Variants in MALRD1 observed in about 807,000 individuals in gnomAD.
The protein encoded by MALRD1 is MAM and LDL receptor class A domain containing 1, also known as MAM and LDL-receptor class A domain-containing protein 1.
In MALRD1, 247 loss-of-function variants were observed where a neutral mutation model predicts 242.1. The ratio of observed to expected loss-of-function variants is 1.02; its 90% CI spans 0.92 to 1.13. The LOEUF (loss-of-function observed/expected upper bound fraction) is 1.13, where lower values mean the gene tolerates loss of function less well. MALRD1 is among the 50% of genes most tolerant of loss of function. The pLI, the probability that MALRD1 is intolerant of heterozygous loss-of-function variation, is 0.00. For missense variants in MALRD1, 2,989 were observed against 2,533.1 expected, an observed-to-expected ratio of 1.18 and a Z score of -3.86; for synonymous variants, 995 against 866.6, an observed-to-expected ratio of 1.15 and a Z score of -2.60.
intron 14 of MALRD1, among the ~76,000 whole-genome samples, chr10:19,187,678 T>C (rs551828640): frequency 2.2e-4 from 33 of 151,834 alleles, no homozygotes; most frequent in Non-Finnish European, 4.0e-4. Flanking sequence ...ATGGATTGAG[T>C]TGGAGGCCGG....
At chr10:19,193,480 G>A (rs1048789233) in intron 14 of MALRD1, among the ~76,000 whole-genome samples, 4 of 152,134 alleles carry the variant, frequency 2.6e-5, no homozygotes. Context: ...TCTTGAGCCT[G>A]GGAGGTTGAG....
At chr10:19,729,903 A>G (rs1835215092) in intron 38 of MALRD1, among the ~76,000 whole-genome samples, 1 of 150,536 alleles carries the variant, frequency 6.6e-6, no homozygotes, top group Non-Finnish European at 1.5e-5. Context: ...CGCCCGGCTA[A>G]TTTTTTTGTA....
chr10:19,310,481 T>A (rs538674707), intron 21 of MALRD1, among the ~76,000 whole-genome samples: 15 of 151,712 alleles, frequency 9.9e-5, no homozygotes, highest in African/African-American at 3.6e-4. Context: ...ACCATTAGCT[T>A]TAAACTTGCA....
chr10:19,695,180 C>A (rs1833313199), intron 38 of MALRD1, among the ~76,000 whole-genome samples: 1 of 152,104 alleles, frequency 6.6e-6, no homozygotes, highest in Non-Finnish European at 1.5e-5. Context: ...ATGTAAAAAA[C>A]TGCACGTCAT....
chr10:19,255,372 A>G (rs954607437), intron 18 of MALRD1, among the ~76,000 whole-genome samples: 2 of 151,968 alleles, frequency 1.3e-5, no homozygotes, highest in Non-Finnish European at 1.5e-5. Context: ...GAAAAACACC[A>G]TAAATGAAAG....
intron 5 of MALRD1, among the ~76,000 whole-genome samples, chr10:19,114,328 GAGTGGACTTA>G (rs1457534013): frequency 1.3e-5 from 2 of 152,176 alleles, no homozygotes; most frequent in African/African-American, 2.4e-5. Context: ...TAAAGAAAAT[GAGTGGACTTA>G]AGTTCTAACA....
intron 35 of MALRD1, among the ~76,000 whole-genome samples, chr10:19,615,653 G>GA (rs1477027756): frequency 6.6e-6 from 1 of 151,824 alleles, no homozygotes. Context: ...CGAAGGGCAT[G>GA]AACACATTCA....
At chr10:19,286,633 C>G (rs1419082026) in intron 21 of MALRD1, among the ~76,000 whole-genome samples, 4 of 151,830 alleles carry the variant, frequency 2.6e-5, no homozygotes, top group Non-Finnish European at 2.9e-5. Context: ...GAAGTTGAAT[C>G]TCTGAATAGA....
At chr10:19,050,365 G>C (rs1366697593) in intron 1 of MALRD1, among the ~76,000 whole-genome samples, 1 of 151,326 alleles carries the variant, frequency 6.6e-6, no homozygotes, top group African/African-American at 2.4e-5. Flanking sequence ...GGGATTACAG[G>C]CGTGAGCCAC....
At chr10:19,699,707 A>T (rs1320266680) in intron 38 of MALRD1, among the ~76,000 whole-genome samples, 1 of 152,096 alleles carries the variant, frequency 6.6e-6, no homozygotes, top group Non-Finnish European at 1.5e-5. Flanking sequence ...GCTTTTACTC[A>T]TGGCAGAAGG....
chr10:19,692,882 T>TAC (rs767284623), intron 38 of MALRD1, among the ~76,000 whole-genome samples: 48,230 of 118,144 alleles, frequency 0.41, 10,293 homozygotes, highest in Admixed American at 0.53. Context: ...TATATATATA[T>TAC]ATATAATTTC....
chr10:19,627,226 A>G (rs1839692067), intron 36 of MALRD1, among the ~76,000 whole-genome samples: 1 of 152,138 alleles, frequency 6.6e-6, no homozygotes, highest in Non-Finnish European at 1.5e-5. Context: ...TATATAGGGG[A>G]AAAGCATAAA....
Position 19,119,072 on chromosome 10 carries a change from G to T in MALRD1, c.695-4420G>T, listed in dbSNP as rs569879645. Among the ~76,000 whole-genome samples, 33 of 152,254 alleles carry T rather than the reference G, an allele frequency of 2.2e-4. 1 individual carries two copies. The South Asian group carries it at 5.2e-3, about 24-fold the overall frequency. On this transcript the variant is annotated intron_variant, in intron 5 of 39. Transcript: ENST00000454679. ...GTAGTAGTAGTGGAGGTCATAAGAT[G>T]TAGTTGGATTCTGGATGTGTTTTAT...
intron 23 of MALRD1, among the ~76,000 whole-genome samples, chr10:19,330,563 A>G (rs910359514): frequency 3.3e-5 from 5 of 152,168 alleles, no homozygotes; most frequent in African/African-American, 1.2e-4. Context: ...AAAACTTAAT[A>G]AAAAGACTGA....
At chr10:19,593,122 A>G (rs1837904898) in intron 33 of MALRD1, among the ~76,000 whole-genome samples, 1 of 152,226 alleles carries the variant, frequency 6.6e-6, no homozygotes, top group Non-Finnish European at 1.5e-5. Flanking sequence ...ATATAAAAGT[A>G]TAAAGATTTA....
At chr10:19,181,869 A>G (rs577697785) in intron 14 of MALRD1, among the ~76,000 whole-genome samples, 13 of 152,322 alleles carry the variant, frequency 8.5e-5, no homozygotes, top group Middle Eastern at 6.8e-3. Flanking sequence ...TGTTTTAAAA[A>G]TTAAGAAAAG....
At chr10:19,376,325 T>G (rs1220942069) in intron 26 of MALRD1, among the ~76,000 whole-genome samples, 4 of 152,222 alleles carry the variant, frequency 2.6e-5, no homozygotes, top group Non-Finnish European at 4.4e-5. Context: ...TTAAGTTGTG[T>G]TGCACTTGAG....
At chr10:19,069,218 G>A (rs1329675918) in intron 2 of MALRD1, among the ~76,000 whole-genome samples, 1 of 151,736 alleles carries the variant, frequency 6.6e-6, no homozygotes, top group Non-Finnish European at 1.5e-5. Context: ...TCCTAATTTG[G>A]GCATTTAAAA....
chr10:19,468,614 C>A (rs560798698), intron 29 of MALRD1, among the ~76,000 whole-genome samples: 4 of 151,550 alleles, frequency 2.6e-5, no homozygotes, highest in Non-Finnish European at 4.4e-5. Context: ...TCTTTGGCAA[C>A]GAGATAAAAT....
Sources: allele counts gnomAD v4.1 joint callset (sites outside exome capture counted in the v4.1 genomes callset), GRCh38; gene constraint gnomAD v4.1.1; transcripts MANE v1.5; gene names NCBI Gene and HGNC (gene_info 2026-07-23, HGNC 2026-07-21).